The following RHBDD2 variants were observed in gnomAD, a reference collection of about 807,000 sequenced individuals.
RHBDD2 encodes the protein rhomboid domain containing 2.
In RHBDD2, 13 loss-of-function variants were observed where a neutral mutation model predicts 21.7. The ratio of observed to expected loss-of-function variants is 0.60; its 90% CI spans 0.39 to 0.95. The LOEUF (loss-of-function observed/expected upper bound fraction) is 0.95. RHBDD2 is among the 40% of genes least tolerant of loss of function. RHBDD2 has a pLI of 0.00. For synonymous variants in RHBDD2, 225 were observed against 220.0 expected (o/e 1.02, Z -0.20); for missense variants, 473 against 478.9 (o/e 0.99, Z 0.11).
At position 75,882,092 on chromosome 7, in the gene RHBDD2, G is replaced by A. The variant is rs781826201; in HGVS notation, c.442G>A (p.Val148Ile). 32 of 1,614,068 alleles carry A rather than the reference G, an allele frequency of 2.0e-5. No individual in the cohort carries two copies. The highest frequency in any genetic ancestry group is 1.6e-4 in the South Asian group (15 of 91,086). ...VAFAMLGVTTVRSRMRRALVF... is the reference protein window; with the variant it reads ...VAFAMLGVTTIRSRMRRALVF... ...CTTTGCCATGCTGGGAGTCACCACC[G>A]TCCGTTCTCGGATGAGGCGGGCCCT... Residue 148 changes from valine to isoleucine, a missense_variant, in exon 2 of 4, where the codon GTC becomes ATC. Coordinates refer to ENST00000006777, the MANE Select transcript of RHBDD2 (RefSeq NM_001040456.3).
chr7:75,888,565 A>T lies in RHBDD2; in HGVS notation c.*216A>T. The T allele has an allele frequency of 1.9e-6, 1 of 532,826 alleles. No homozygotes were observed. Among genetic ancestry groups the T allele is most frequent in the Non-Finnish European group, 3.3e-6 (1 of 300,220 alleles). The allele number at this position is 532,826 out of a possible 1,614,324, so 33.0% of individuals were successfully genotyped here. A position where few individuals can be genotyped will look rare whatever the true frequency, so the allele number is the denominator to read the frequency against. ...GATGCAGAAAGCGAGACGTTCTGCC[A>T]TCAGATAAAGTCACGTGGCTCTTTA... On this transcript the variant is annotated 3_prime_UTR_variant, in exon 4 of 4. Transcript: ENST00000006777.
At chr7:75,880,261 A>G (rs1459198575) in intron 1 of RHBDD2, 5 of 152,160 alleles carry the variant, frequency 3.3e-5, no homozygotes, top group Admixed American at 2.6e-4. Context: ...GAAATACTCA[A>G]CAAATAATGA....
At chr7:75,886,471 C>G (rs1396241787) in intron 3 of RHBDD2, among the ~76,000 whole-genome samples, 2 of 152,158 alleles carry the variant, frequency 1.3e-5, no homozygotes, top group Non-Finnish European at 2.9e-5. Context: ...CCAGCTGTAT[C>G]TCACATACAA....
chr7:75,885,844 C>T (rs782378651), intron 3 of RHBDD2, among the ~76,000 whole-genome samples: 2 of 152,186 alleles, frequency 1.3e-5, no homozygotes, highest in Non-Finnish European at 2.9e-5. Context: ...TGAGCTCCAC[C>T]TCTAGTGCTG....
intron 2 of RHBDD2, 59 bp downstream of exon 2, chr7:75,882,295 A>G: frequency 6.8e-7 from 1 of 1,467,352 alleles, no homozygotes; most frequent in Non-Finnish European, 9.2e-7. Flanking sequence ...ACCAGGCTGG[A>G]GGGTCTGGGG....
At chr7:75,884,852 G>T (rs183852271) in intron 3 of RHBDD2, among the ~76,000 whole-genome samples, 4 of 152,126 alleles carry the variant, frequency 2.6e-5, no homozygotes, top group Admixed American at 6.6e-5. Context: ...GATGGCTCAC[G>T]CCTGTAATCC....
At chr7:75,883,898 T>A (rs4728517) in intron 3 of RHBDD2, 50 bp downstream of exon 3, 262,969 of 1,475,036 alleles carry the variant, frequency 0.18, 24,703 homozygotes, top group African/African-American at 0.37. Context: ...AAAAAAAAAA[T>A]TATTTTTTTT....
At chr7:75,885,875 CT>C (rs1190479140) in intron 3 of RHBDD2, among the ~76,000 whole-genome samples, 11 of 151,656 alleles carry the variant, frequency 7.3e-5, no homozygotes, top group Admixed American at 2.6e-4. Flanking sequence ...AATCACGTTT[CT>C]TTTTTTTTGA....
Position 75,879,067 on chromosome 7 carries a change from G to A in RHBDD2, c.-16G>A, listed in dbSNP as rs566558230. The A allele has an allele frequency of 1.3e-5, 18 of 1,365,078 alleles. No homozygotes were observed. The highest frequency in any genetic ancestry group is 1.6e-5 in the Non-Finnish European group (17 of 1,054,966). 84.6% of individuals were successfully genotyped at this position (1,365,078 alleles called of 1,614,324 possible). On this transcript the variant is annotated 5_prime_UTR_variant, in exon 1 of 4. Coordinates refer to ENST00000006777, the MANE Select transcript of RHBDD2 (RefSeq NM_001040456.3). ...GGCAGCCGGCGTCGAGGCGGGGCGC[G>A]GGAACGACGGCGGCCATGGCGGCCT...
At chr7:75,880,912 G>GA (rs1351463656) in intron 1 of RHBDD2, among the ~76,000 whole-genome samples, 1 of 151,816 alleles carries the variant, frequency 6.6e-6, no homozygotes, top group Non-Finnish European at 1.5e-5. Context: ...TTTTTTTAAA[G>GA]ACGGGGGTCT....
At position 75,882,254 on chromosome 7, in the gene RHBDD2, G is replaced by A. The variant is rs1223677021; in HGVS notation, c.586+18G>A. On this transcript the variant is annotated intron_variant, in intron 2 of 3. Coordinates refer to ENST00000006777, the MANE Select transcript of RHBDD2 (RefSeq NM_001040456.3). Reference sequence around the variant, plus strand: ...GCTGGCCTGTATCCTTCCTAGCAGAGAGCTATAGAACAACGCATGTCAAAG... The same window carrying A: ...GCTGGCCTGTATCCTTCCTAGCAGAAAGCTATAGAACAACGCATGTCAAAG... 6.3e-7 allele frequency: 1 copy of A among 1,591,830 alleles called. No homozygotes were observed. The highest frequency in any genetic ancestry group is 1.3e-5 in the African/African-American group (1 of 74,390).
intron 3 of RHBDD2, among the ~76,000 whole-genome samples, chr7:75,887,399 C>T (rs1313929262): frequency 4.6e-5 from 7 of 151,410 alleles, no homozygotes; most frequent in Non-Finnish European, 1.0e-4. Flanking sequence ...CTCACTGCAA[C>T]CTCTGCCTCC....
chr7:75,886,827 A>G (rs1805705604), intron 3 of RHBDD2, among the ~76,000 whole-genome samples: 1 of 151,864 alleles, frequency 6.6e-6, no homozygotes, highest in South Asian at 2.1e-4. Context: ...AAAAAAAAAA[A>G]AGAGTTCTTC....
chr7:75,879,717 C>T (rs1313178019), intron 1 of RHBDD2, among the ~76,000 whole-genome samples: 1 of 152,200 alleles, frequency 6.6e-6, no homozygotes, highest in East Asian at 1.9e-4. Context: ...CCCCTATAAG[C>T]CCTATAAACG....
At position 75,888,406 on chromosome 7, in the gene RHBDD2, T is replaced by A. The variant is rs781833861; in HGVS notation, c.*57T>A. The A allele has an allele frequency of 1.5e-5, 21 of 1,415,424 alleles. No homozygotes were observed. Among genetic ancestry groups the A allele is most frequent in the South Asian group, 3.6e-5 (3 of 83,470 alleles). The allele number at this position is 1,415,424 out of a possible 1,614,324, so 87.7% of individuals were successfully genotyped here. A position where few individuals can be genotyped will look rare whatever the true frequency, so the allele number is the denominator to read the frequency against. On this transcript the variant is annotated 3_prime_UTR_variant, in exon 4 of 4. Transcript: ENST00000006777. ...CTTCTGAAGGTCCTCCCTAAGAGTCTCCTGACAAAAGTTACTTATTGAACA... is the reference window on the plus strand; with the variant it reads ...CTTCTGAAGGTCCTCCCTAAGAGTCACCTGACAAAAGTTACTTATTGAACA...
intron 1 of RHBDD2, among the ~76,000 whole-genome samples, chr7:75,880,985 C>T (rs1554542335): frequency 6.6e-6 from 1 of 152,016 alleles, no homozygotes; most frequent in African/African-American, 2.4e-5. Context: ...CCTAAGCCTC[C>T]CAAAATGCTG....
chr7:75,882,067 C>T lies in RHBDD2; in HGVS notation c.417C>T (p.Ala139=), dbSNP rs1554542690. 8.7e-6 allele frequency: 14 copies of T among 1,614,220 alleles called. No individual in the cohort carries two copies. Among genetic ancestry groups the T allele is most frequent in the Non-Finnish European group, 1.1e-5 (13 of 1,180,032 alleles). ...ATGCCAGAGGTTTCACCCCAGTGGCCTTTGCCATGCTGGGAGTCACCACCG... is the reference window on the plus strand; with the variant it reads ...ATGCCAGAGGTTTCACCCCAGTGGCTTTTGCCATGCTGGGAGTCACCACCG... The part of the protein sequence containing the change: ...VEDARGFTPV[A]FAMLGVTTVR... The change falls in exon 2 of 4, where the codon GCC becomes GCT. Residue 139 remains alanine, a synonymous_variant. Transcript: ENST00000006777.
chr7:75,884,081 G>C (rs1288748367), intron 3 of RHBDD2, among the ~76,000 whole-genome samples: 2 of 152,034 alleles, frequency 1.3e-5, no homozygotes, highest in Non-Finnish European at 2.9e-5. Context: ...TTTTAGTAGA[G>C]ATGGGGTTTC....
Position 75,883,904 on chromosome 7 carries a change from T to A in RHBDD2, c.737+56T>A, listed in dbSNP as rs1235824134. 22 of 1,479,726 alleles carry A rather than the reference T, an allele frequency of 1.5e-5. No homozygotes were observed. The African/African-American group carries it at 3.0e-4, about 20-fold the overall frequency. The allele number at this position is 1,479,726 out of a possible 1,614,324, so 91.7% of individuals were successfully genotyped here. ...ATCTTTTTTAAAAAAAAAATTATTT[T>A]TTTTTTTTGAGACGGAGTCTCACTC... On this transcript the variant is annotated intron_variant, in intron 3 of 3. Transcript: ENST00000006777.
Sources: gnomAD v4.1 joint callset for allele counts (sites outside exome capture counted in the v4.1 genomes callset) on GRCh38, gnomAD v4.1.1 for gene constraint, MANE v1.5 for transcripts, NCBI Gene and HGNC (gene_info 2026-07-23, HGNC 2026-07-21) for gene names.